Variants in ENO1 observed in about 807,000 individuals in gnomAD.
ENO1 encodes the protein alpha-enolase.
ENO1 carries 33 observed loss-of-function variants against 46.3 expected under a neutral mutation model. The ratio of observed to expected loss-of-function variants is 0.71; its 90% CI spans 0.54 to 0.95. The LOEUF (loss-of-function observed/expected upper bound fraction) is 0.95, where lower values mean the gene tolerates loss of function less well. Among genes scored for constraint, ENO1 ranks in the 40% least tolerant of loss-of-function variants. The pLI is 0.00. For synonymous variants in ENO1, 220 were observed against 216.0 expected, an observed-to-expected ratio of 1.02 and a Z score of -0.16; for missense variants, 488 against 553.3, an observed-to-expected ratio of 0.88 and a Z score of 1.18.
Position 8,861,278 on chromosome 1 carries a change from G to A in ENO1, c.*82C>T. 2 of 1,454,098 alleles carry A rather than the reference G, an allele frequency of 1.4e-6. No individual in the cohort carries two copies. Among genetic ancestry groups the A allele is most frequent in the South Asian group, 1.1e-5 (1 of 87,340 alleles). The allele number at this position is 1,454,098 out of a possible 1,614,324, so 90.1% of individuals were successfully genotyped here. On this transcript the variant is annotated 3_prime_UTR_variant, in exon 12 of 12. Coordinates refer to ENST00000234590, the MANE Select transcript of ENO1 (RefSeq NM_001428.5). ...CAGGGACCCCTGCAAGTGTTGGTCGGGGGCCTCGAGCTGCCTGAGCTGACA... is the reference window on the plus strand; with the variant it reads ...CAGGGACCCCTGCAAGTGTTGGTCGAGGGCCTCGAGCTGCCTGAGCTGACA...
intron 4 of ENO1, 97 bp from the exon 5 acceptor site, chr1:8,868,154 T>C: frequency 1.1e-6 from 1 of 882,624 alleles, no homozygotes; most frequent in South Asian, 1.6e-5. Context: ...CTGTGTAATA[T>C]CAAAATCAAT....
At position 8,871,921 on chromosome 1, in the gene ENO1, C is replaced by T. The variant is rs1333632965; in HGVS notation, c.151G>A (p.Asp51Asn). 1 of 1,614,162 alleles carries T rather than the reference C, an allele frequency of 6.2e-7. No homozygotes were observed. The highest frequency in any genetic ancestry group is 8.5e-7 in the Non-Finnish European group (1 of 1,180,028). The part of the protein sequence containing the change: ...TGIYEALELR[D>N]NDKTRYMGKG... ...CCCATATAGCGAGTCTTATCATTGT[C>T]CCGGAGCTCTAGGGCCTCATAGATA... Residue 51 changes from aspartate to asparagine, a missense_variant, in exon 3 of 12, where the codon GAC (aspartate) becomes AAC (asparagine). Asp to Asn is a conservative substitution (Grantham distance 23, BLOSUM62 1). Transcript: ENST00000234590.
At chr1:8,870,419 T>C (rs766980625) in intron 4 of ENO1, 33 bp downstream of exon 4, 2 of 1,613,942 alleles carry the variant, frequency 1.2e-6, no homozygotes, top group Admixed American at 3.3e-5. Flanking sequence ...CTGGTGGCAT[T>C]AGACACATTA....
In ENO1 at chr1:8,864,082, G is replaced by C. The variant is rs780727797; in HGVS notation, c.876C>G (p.Ile292Met). The change falls in exon 9 of 12, where the codon ATC (isoleucine) becomes ATG (methionine). Residue 292 changes from isoleucine (I) to methionine (M), a missense_variant. Physicochemically the swap from Ile to Met is conservative, Grantham distance 10. Coordinates refer to ENST00000234590, the MANE Select transcript of ENO1 (RefSeq NM_001428.5). Reference protein sequence around the residue: ...SFIKDYPVVSIEDPFDQDDWG... With the variant: ...SFIKDYPVVSMEDPFDQDDWG... ...AGTCATCCTGGTCAAAGGGATCTTC[G>C]ATAGACACCACTAAGGAAAGGAGGG... is the stretch of plus-strand genomic sequence containing the variant. 1 of 1,614,006 alleles carries C rather than the reference G, an allele frequency of 6.2e-7. No homozygotes were observed. The highest frequency in any genetic ancestry group is 8.5e-7 in the Non-Finnish European group (1 of 1,180,012).
chr1:8,873,889 G>GT (rs1470894108), intron 2 of ENO1: 1 of 152,200 alleles, frequency 6.6e-6, no homozygotes, highest in Non-Finnish European at 1.5e-5. Flanking sequence ...TGTGCTGGAG[G>GT]TAACACAGAG....
chr1:8,868,171 ATGTT>A (rs1451928848), intron 4 of ENO1, 114 bp from the exon 5 acceptor site: 6 of 811,578 alleles, frequency 7.4e-6, no homozygotes, highest in Non-Finnish European at 1.2e-5. Flanking sequence ...CAATTCTGTG[ATGTT>A]TGTTTTATAA....
chr1:8,868,085 T>C (rs1004942307), intron 4 of ENO1, 28 bp from the exon 5 acceptor site: 1 of 1,547,434 alleles, frequency 6.5e-7, no homozygotes, highest in Non-Finnish European at 8.9e-7. Flanking sequence ...GAATGAGGGG[T>C]TGGGGCCACT....
Position 8,863,349 on chromosome 1 carries a change from A to C in ENO1, c.1068-6T>G. ...TGGCCTGGGCCAGCTTGCACCTGGA[A>C]GCCAAGGAACAACCCAGATGGCATG... On this transcript the variant is annotated splice_region_variant and splice_polypyrimidine_tract_variant and intron_variant, in intron 9 of 11. Coordinates refer to ENST00000234590, the MANE Select transcript of ENO1 (RefSeq NM_001428.5). 1.2e-6 allele frequency: 2 copies of C among 1,611,870 alleles called. No individual in the cohort carries two copies. The highest frequency in any genetic ancestry group is 2.7e-5 in the African/African-American group (2 of 74,930).
chr1:8,864,248 A>G (rs1642466303), intron 8 of ENO1, among the ~76,000 whole-genome samples, 156 bp from the exon 9 acceptor site: 1 of 152,108 alleles, frequency 6.6e-6, no homozygotes, highest in South Asian at 2.1e-4. Flanking sequence ...CCTTGAAACA[A>G]TGTGCCCCAG....
At position 8,864,288 on chromosome 1, in the gene ENO1, C is replaced by T. The variant is rs565332266; in HGVS notation, c.866-196G>A. ...CTCCTGCAGCAGGGGACAAAAGTCA[C>T]CCACAATCCTGGGTATCTATAGATC... On this transcript the variant is annotated intron_variant, in intron 8 of 11. Coordinates refer to ENST00000234590, the MANE Select transcript of ENO1 (RefSeq NM_001428.5). Among the ~76,000 whole-genome samples, 18 of 152,232 alleles carry T rather than the reference C, an allele frequency of 1.2e-4. No homozygotes were observed. The East Asian group carries it at 3.3e-3, about 28-fold the overall frequency.
Position 8,863,268 on chromosome 1 carries a change from G to A in ENO1, c.1143C>T (p.Ile381=), listed in dbSNP as rs1262089046. 1.2e-5 allele frequency: 19 copies of A among 1,614,042 alleles called. No individual in the cohort carries two copies. The highest frequency in any genetic ancestry group is 1.7e-5 in the Admixed American group (1 of 59,992). The change falls in exon 10 of 12, where the codon ATC becomes ATT. Residue 381 remains isoleucine, a synonymous_variant. Transcript: ENST00000234590. The stretch of plus-strand genomic sequence containing the variant: ...TGCACAGCCCCACAACCAGGTCAGC[G>A]ATGAAGGTATCTTCAGTCTCCCCCG... The part of the protein sequence containing the change: ...HRSGETEDTF[I]ADLVVGLCTG...
chr1:8,873,137 G>A (rs143604239), intron 2 of ENO1, among the ~76,000 whole-genome samples: 127 of 152,324 alleles, frequency 8.3e-4, no homozygotes, highest in African/African-American at 3.0e-3. Context: ...ATCAGGCAAA[G>A]ACAAGATGAA....
rs772803420 is a variant in ENO1 at position 8,870,524 on chromosome 1, T to C, written c.182-14A>G. ...CCTTTGAGACACCTGGAAGGAACAA[T>C]CAAATCAAATTACTGACATTAACTT... On this transcript the variant is annotated splice_polypyrimidine_tract_variant and intron_variant, in intron 3 of 11. Coordinates refer to ENST00000234590, the MANE Select transcript of ENO1 (RefSeq NM_001428.5). 6.2e-7 allele frequency: 1 copy of C among 1,614,098 alleles called. No homozygotes were observed. Among genetic ancestry groups the C allele is most frequent in the Non-Finnish European group, 8.5e-7 (1 of 1,179,998 alleles).
chr1:8,877,118 C>G (rs994874903), intron 1 of ENO1, among the ~76,000 whole-genome samples: 1 of 152,072 alleles, frequency 6.6e-6, no homozygotes, highest in African/African-American at 2.4e-5. Context: ...CCACCACACC[C>G]GGCTAATTTT....
intron 2 of ENO1, 22 bp from the exon 3 acceptor site, chr1:8,872,008 G>C: frequency 6.2e-7 from 1 of 1,603,464 alleles, no homozygotes. Flanking sequence ...GAAAAAAGAT[G>C]TAGTAGCAAT....
In ENO1 at chr1:8,868,052, C is replaced by G. The variant is rs1352894713; in HGVS notation, c.246G>C (p.Leu82=). 6.2e-7 allele frequency: 1 copy of G among 1,613,736 alleles called. No individual in the cohort carries two copies. Among genetic ancestry groups the G allele is most frequent in the Admixed American group, 1.7e-5 (1 of 59,998 alleles). ...TIAPALVSKK[L]NVTEQEKIDK... is the part of the protein sequence containing the mutation. ...CAATCTTCTCTTGTTCTGTGACGTT[C>G]AGTTTCTACGAGGGAGAGGGGAGAA... is the stretch of plus-strand genomic sequence containing the variant. Residue 82 remains leucine (L), a synonymous_variant, in exon 5 of 12, where the codon CTG becomes CTC. Coordinates refer to ENST00000234590, the MANE Select transcript of ENO1 (RefSeq NM_001428.5).
intron 4 of ENO1, chr1:8,870,203 A>C (rs1642600679): frequency 1.9e-6 from 1 of 524,200 alleles, no homozygotes; most frequent in African/African-American, 1.9e-5. Context: ...AGAGAGTTGC[A>C]GGGGGGAAGA....
chr1:8,863,192 GA>G (rs752714658), intron 10 of ENO1, 42 bp downstream of exon 10: 384 of 1,607,080 alleles, frequency 2.4e-4, no homozygotes, highest in Middle Eastern at 1.3e-3. Flanking sequence ...GTCTTCCTAG[GA>G]AGTTGAGGTC....
chr1:8,861,169 T>C lies in ENO1; in HGVS notation c.*191A>G. Reference sequence around the variant, plus strand: ...AATTACACGACTGCAAAGCTAGAGCTGCCAACAGGGCTCCAGGGAGCTTGG... The same window carrying C: ...AATTACACGACTGCAAAGCTAGAGCCGCCAACAGGGCTCCAGGGAGCTTGG... On this transcript the variant is annotated 3_prime_UTR_variant, in exon 12 of 12. Coordinates refer to ENST00000234590, the MANE Select transcript of ENO1 (RefSeq NM_001428.5). The C allele has an allele frequency of 1.8e-6, 1 of 561,814 alleles. No individual in the cohort carries two copies. The allele number at this position is 561,814 out of a possible 1,614,324, so 34.8% of individuals were successfully genotyped here. A position where few individuals can be genotyped will look rare whatever the true frequency, so the allele number is the denominator to read the frequency against.
Sources: gnomAD v4.1 joint callset for allele counts (sites outside exome capture counted in the v4.1 genomes callset) on GRCh38, gnomAD v4.1.1 for gene constraint, MANE v1.5 for transcripts, NCBI Gene and HGNC (gene_info 2026-07-23, HGNC 2026-07-21) for gene names.